The following MYH11 variants were observed in gnomAD, a reference collection of about 807,000 sequenced individuals.
The protein encoded by MYH11 is myosin-11.
Under a neutral mutation model 246.6 loss-of-function variants are expected in MYH11, and 80 were observed. The observed-to-expected ratio is 0.32, with a 90% CI of 0.27 to 0.39. MYH11 has a LOEUF of 0.39. Ranked by LOEUF, MYH11 falls within the 10% of genes least tolerant of loss-of-function variation. The probability of loss-of-function intolerance (pLI) is 1.00; values close to 1 mark genes in which losing one functional copy is unlikely to be tolerated. For missense variants in MYH11, 2,158 were observed against 2,546.8 expected, an observed-to-expected ratio of 0.85 and a Z score of 3.29; for synonymous variants, 1,071 against 1,015.5, an observed-to-expected ratio of 1.05 and a Z score of -1.04.
At chr16:15,837,682 G>A (rs913431767) in intron 2 of MYH11, among the ~76,000 whole-genome samples, 15 of 151,792 alleles carry the variant, frequency 9.9e-5, no homozygotes, top group Non-Finnish European at 1.9e-4. Flanking sequence ...TTACAGATGC[G>A]CACCACCACC....
intron 6 of MYH11, among the ~76,000 whole-genome samples, chr16:15,781,859 CAA>C (rs2042361779): frequency 6.6e-6 from 1 of 150,520 alleles, no homozygotes; most frequent in Non-Finnish European, 1.5e-5. Flanking sequence ...GAGAAAAAAA[CAA>C]AGAGAATGGT....
intron 9 of MYH11, among the ~76,000 whole-genome samples, chr16:15,765,639 G>T (rs1020351781): frequency 6.6e-6 from 1 of 151,936 alleles, no homozygotes. Flanking sequence ...GGCCAAACCA[G>T]ACATTACAAG....
At chr16:15,731,754 A>G (rs2151234390) in intron 27 of MYH11, among the ~76,000 whole-genome samples, 1 of 151,904 alleles carries the variant, frequency 6.6e-6, no homozygotes, top group South Asian at 2.1e-4. Flanking sequence ...TGCCTCCCAA[A>G]TTGCTGGGAT....
intron 40 of MYH11, among the ~76,000 whole-genome samples, chr16:15,712,393 T>G (rs1002931682): frequency 1.3e-5 from 2 of 152,108 alleles, no homozygotes. Context: ...TCCATGCCTG[T>G]AATCCCAGCA....
chr16:15,751,118 G>GTAT (rs56124315), intron 15 of MYH11, among the ~76,000 whole-genome samples: 9,463 of 143,220 alleles, frequency 0.066, 318 homozygotes, highest in South Asian at 0.085. Flanking sequence ...CAAAAAGTAG[G>GTAT]TATTATTATT....
intron 4 of MYH11, among the ~76,000 whole-genome samples, 176 bp downstream of exon 4, chr16:15,798,484 A>G (rs970892492): frequency 2.6e-5 from 4 of 152,134 alleles, no homozygotes; most frequent in African/African-American, 4.8e-5. Flanking sequence ...ACCATATATC[A>G]CAAATGTTTA....
chr16:15,733,431 A>C (rs11862588), intron 26 of MYH11, among the ~76,000 whole-genome samples: 71,706 of 151,324 alleles, frequency 0.47, 17,666 homozygotes, highest in African/African-American at 0.62. Context: ...TGGGGTTTCA[A>C]CATGTTGGTC....
chr16:15,719,303 G>A lies in MYH11; in HGVS notation c.5088C>T (p.Leu1696=), dbSNP rs776142323. 20 of 1,610,830 alleles carry A rather than the reference G, an allele frequency of 1.2e-5. No individual in the cohort carries two copies. Among genetic ancestry groups the A allele is most frequent in the East Asian group, 6.7e-5 (3 of 44,888 alleles). The change falls in exon 36 of 41, where the codon CTC becomes CTT. Residue 1696 remains leucine (L), a synonymous_variant. Coordinates refer to ENST00000300036, the MANE Select transcript of MYH11 (RefSeq NM_002474.3). ...EADLMQLQED[L]AAAERARKQA... ...GTTTGCGAGCCCTCTCAGCGGCGGCGAGGTCCTAGGTGGGAGGGAGGAAGG... is the reference window on the plus strand; with the variant it reads ...GTTTGCGAGCCCTCTCAGCGGCGGCAAGGTCCTAGGTGGGAGGGAGGAAGG...
intron 3 of MYH11, among the ~76,000 whole-genome samples, chr16:15,800,825 T>C (rs147394632): frequency 5.0e-4 from 76 of 152,182 alleles, no homozygotes; most frequent in African/African-American, 1.6e-3. Flanking sequence ...TTGGGTGGCC[T>C]GGTTGAACGA....
At chr16:15,741,394 C>A in intron 22 of MYH11, 69 bp downstream of exon 22, 2 of 1,517,942 alleles carry the variant, frequency 1.3e-6, no homozygotes, top group South Asian at 2.2e-5. Flanking sequence ...CCTGGATGCA[C>A]CTCCACAGGC....
chr16:15,780,860 T>A (rs147676087), intron 6 of MYH11, among the ~76,000 whole-genome samples: 486 of 152,306 alleles, frequency 3.2e-3, no homozygotes, highest in Middle Eastern at 0.014. Flanking sequence ...ATCCCATCTG[T>A]GTGACTCTAG....
rs754992922 is a variant in MYH11, at chr16:15,737,535, C to G, written c.3207G>C (p.Glu1069Asp). ...TCTGCGCCTGGAGGTCAGCGATCTG[C>G]TCGTGGAAGTCGCTGGCATCACCCT... is the stretch of plus-strand genomic sequence containing the variant. ...KLEGDASDFH[E>D]QIADLQAQIA... Residue 1069 changes from glutamate (E) to aspartate (D), a missense_variant, in exon 25 of 41, where the codon GAG becomes GAC. Coordinates refer to ENST00000300036, the MANE Select transcript of MYH11 (RefSeq NM_002474.3). 7.4e-6 allele frequency: 12 copies of G among 1,614,088 alleles called. No homozygotes were observed. In the South Asian group the frequency reaches 1.3e-4, roughly 18 times the overall value.
In MYH11 at chr16:15,855,286, A is replaced by G. The variant is rs1176966820; in HGVS notation, c.-18+1655T>C. Among the ~76,000 whole-genome samples, 3 of 152,196 alleles carry G rather than the reference A, an allele frequency of 2.0e-5. No homozygotes were observed. In the South Asian group the frequency reaches 6.2e-4, roughly 31 times the overall value. The stretch of plus-strand genomic sequence containing the variant: ...TGGTTTCAGCTAGGTCACCCCCTCA[A>G]TCAGGGGACAAACAGTGCCTTTTAT... On this transcript the variant is annotated intron_variant, in intron 1 of 40. Coordinates refer to ENST00000300036, the MANE Select transcript of MYH11 (RefSeq NM_002474.3).
chr16:15,832,177 T>C (rs1168937213), intron 2 of MYH11, among the ~76,000 whole-genome samples: 1 of 152,150 alleles, frequency 6.6e-6, no homozygotes, highest in Non-Finnish European at 1.5e-5. Context: ...GAAGGAGGGC[T>C]TCTCCTGACC....
Position 15,719,200 on chromosome 16 carries a change from TCCTC to T in MYH11, c.5171+16_5171+19del, listed in dbSNP as rs2040333508. On this transcript the variant is annotated intron_variant, in intron 36 of 40. Coordinates refer to ENST00000300036, the MANE Select transcript of MYH11 (RefSeq NM_002474.3). ...CCCATCCTCTGCTTCAGAGCCCTCT[TCCTC>T]CATTCAGTTTCCTACCTTCCCGACA... 4 of 1,610,942 alleles carry T rather than the reference TCCTC, an allele frequency of 2.5e-6. No individual in the cohort carries two copies. The highest frequency in any genetic ancestry group is 2.5e-6 in the Non-Finnish European group (3 of 1,177,944).
Position 15,714,986 on chromosome 16 carries a change from C to T in MYH11, c.5709G>A (p.Leu1903=), listed in dbSNP as rs375159220. The change falls in exon 40 of 41, where the codon CTG becomes CTA. Residue 1903 remains leucine, a synonymous_variant. Coordinates refer to ENST00000300036, the MANE Select transcript of MYH11 (RefSeq NM_002474.3). ...CCGTGGCCTCATCCAGCTCCCGCTG[C>T]AGCTTCCTGCGGTTGGCGTTGATGC... ...SQRINANRRK[L]QRELDEATES... is the part of the protein sequence containing the mutation. 1.9e-6 allele frequency: 3 copies of T among 1,613,924 alleles called. No homozygotes were observed. Among genetic ancestry groups the T allele is most frequent in the African/African-American group, 2.7e-5 (2 of 74,940 alleles).
At chr16:15,795,098 A>T (rs2151318220) in intron 4 of MYH11, among the ~76,000 whole-genome samples, 1 of 151,694 alleles carries the variant, frequency 6.6e-6, no homozygotes, top group East Asian at 2.0e-4. Flanking sequence ...ACCTGAGATC[A>T]GGAGTTTGAG....
chr16:15,724,844 A>G lies in MYH11; in HGVS notation c.3963+44T>C, dbSNP rs770305005. On this transcript the variant is annotated intron_variant, in intron 29 of 40. Transcript: ENST00000300036. ...AGGTCCCAGGGACCTGCCCCGAGGA[A>G]GGCCACCCCCCAGGTCCCCTGGATG... is the stretch of plus-strand genomic sequence containing the variant. 24 of 1,613,642 alleles carry G rather than the reference A, an allele frequency of 1.5e-5. No homozygotes were observed. Among genetic ancestry groups the G allele is most frequent in the Non-Finnish European group, 1.9e-5 (22 of 1,179,980 alleles).
chr16:15,741,110 C>T lies in MYH11; in HGVS notation c.2859+353G>A, dbSNP rs147392150. ...CCGGACCCTCAGCCAGAACCACTCA[C>T]CTAAGCCACTCTCAAATTCCTGACT... On this transcript the variant is annotated intron_variant, in intron 22 of 40. Coordinates refer to ENST00000300036, the MANE Select transcript of MYH11 (RefSeq NM_002474.3). 1.1e-3 allele frequency: 450 copies of T among 407,276 alleles called. 2 individuals carry two copies. Among genetic ancestry groups the T allele is most frequent in the Non-Finnish European group, 1.8e-3 (391 of 215,204 alleles). The allele number at this position is 407,276 out of a possible 1,614,324, so 25.2% of individuals were successfully genotyped here. A position where few individuals can be genotyped will look rare whatever the true frequency, so the allele number is the denominator to read the frequency against.
Sources: allele counts gnomAD v4.1 joint callset (sites outside exome capture counted in the v4.1 genomes callset), GRCh38; gene constraint gnomAD v4.1.1; transcripts MANE v1.5; gene names NCBI Gene and HGNC (gene_info 2026-07-23, HGNC 2026-07-21).